GLT8D2: variants seen among roughly 807,000 people sequenced by gnomAD.
GLT8D2 encodes the protein glycosyltransferase 8 domain-containing protein 2.
A neutral mutation model predicts 44.5 loss-of-function variants in GLT8D2; 45 were observed. The ratio of observed to expected loss-of-function variants is 1.01; its 90% CI spans 0.80 to 1.30. GLT8D2 has a LOEUF of 1.30. Among genes scored for constraint, GLT8D2 ranks in the 50% most tolerant of loss-of-function variants. The probability of loss-of-function intolerance (pLI) is 0.00; values close to 1 mark genes in which losing one functional copy is unlikely to be tolerated. For missense variants in GLT8D2, 400 were observed against 430.4 expected (o/e 0.93, Z 0.62); for synonymous variants, 156 against 157.2 (o/e 0.99, Z 0.06).
At chr12:104,052,978 A>G (rs1881852098), upstream of GLT8D2, among the ~76,000 whole-genome samples, 1 of 152,198 alleles carries the variant, frequency 6.6e-6, no homozygotes, top group Non-Finnish European at 1.5e-5. Context: ...CTGGGAAGTC[A>G]TAAGGTTCAG....
chr12:104,012,189 A>AT (rs1239571388), intron 4 of GLT8D2, among the ~76,000 whole-genome samples: 127 of 98,420 alleles, frequency 1.3e-3, no homozygotes, highest in Non-Finnish European at 1.1e-3. Context: ...AAAAAAAAAA[A>AT]ATATATATAT....
intron 1 of GLT8D2, among the ~76,000 whole-genome samples, chr12:104,033,375 C>T (rs1023565042): frequency 6.6e-6 from 1 of 152,032 alleles, no homozygotes; most frequent in Non-Finnish European, 1.5e-5. Flanking sequence ...GCCTGGAGGA[C>T]ATTATGCTAA....
intron 1 of GLT8D2, among the ~76,000 whole-genome samples, chr12:104,022,420 T>C (rs1403856025): frequency 6.6e-6 from 1 of 152,206 alleles, no homozygotes. Flanking sequence ...ATTAAAGTAA[T>C]TAAAATACAC....
At chr12:103,993,597 AT>A in intron 9 of GLT8D2, 93 bp from the exon 10 acceptor site, 1 of 783,658 alleles carries the variant, frequency 1.3e-6, no homozygotes, top group Non-Finnish European at 2.0e-6. Flanking sequence ...GTAAGACATT[AT>A]CTCACTATGT....
At chr12:103,991,231 G>C (rs1286656316) in intron 10 of GLT8D2, among the ~76,000 whole-genome samples, 6 of 152,120 alleles carry the variant, frequency 3.9e-5, no homozygotes, top group African/African-American at 9.7e-5. Context: ...CTGTCACCCA[G>C]ACTGGAGTGC....
intron 1 of GLT8D2, among the ~76,000 whole-genome samples, chr12:104,027,542 T>C (rs1878728293): frequency 6.6e-6 from 1 of 152,222 alleles, no homozygotes. Flanking sequence ...CAAACAAAAG[T>C]CTTTACAAAT....
chr12:103,989,437 C>CT lies in GLT8D2; in HGVS notation c.1020dup (p.Gly341ArgfsTer4). On this transcript the variant is annotated frameshift_variant, in exon 11 of 11. Coordinates refer to ENST00000360814, the MANE Select transcript of GLT8D2 (RefSeq NM_001384711.1). LOFTEE classifies it high-confidence loss of function. ...CTATGGTGATTGAGTTTAAATATCC[C>CT]TGCAGGGTCAGGAACAAACCAGCTT... is the stretch of plus-strand genomic sequence containing the variant. 1 of 1,612,992 alleles carries CT rather than the reference C, an allele frequency of 6.2e-7. No individual in the cohort carries two copies. Among genetic ancestry groups the CT allele is most frequent in the Non-Finnish European group, 8.5e-7 (1 of 1,179,540 alleles).
At chr12:104,036,454 G>A (rs1055721549) in intron 1 of GLT8D2, among the ~76,000 whole-genome samples, 3 of 152,066 alleles carry the variant, frequency 2.0e-5, no homozygotes, top group Non-Finnish European at 4.4e-5. Flanking sequence ...CAAAATAAAG[G>A]GATGGAGGAA....
upstream of GLT8D2, among the ~76,000 whole-genome samples, chr12:104,054,145 C>T (rs1881971385): frequency 6.6e-6 from 1 of 152,112 alleles, no homozygotes; most frequent in African/African-American, 2.4e-5. Context: ...AAAGTTTATA[C>T]TGTTTGACTA....
At chr12:103,992,483 CTCTCTCTCT>C (rs1259158111) in intron 10 of GLT8D2, among the ~76,000 whole-genome samples, 2 of 148,080 alleles carry the variant, frequency 1.4e-5, no homozygotes. Flanking sequence ...TTCTCTCTCT[CTCTCTCTCT>C]TTTTTTTTTT....
chr12:104,023,360 C>A (rs761076039), intron 1 of GLT8D2, among the ~76,000 whole-genome samples: 14 of 152,064 alleles, frequency 9.2e-5, no homozygotes, highest in Non-Finnish European at 1.6e-4. Flanking sequence ...TTTCTAAATT[C>A]TTTAGACTGC....
chr12:104,023,594 T>A (rs1198955167), intron 1 of GLT8D2, among the ~76,000 whole-genome samples: 2 of 152,224 alleles, frequency 1.3e-5, no homozygotes, highest in African/African-American at 4.8e-5. Context: ...TATGGACTTT[T>A]ACACATGCAT....
At chr12:104,054,714 C>T (rs542243479), upstream of GLT8D2, among the ~76,000 whole-genome samples, 2 of 152,150 alleles carry the variant, frequency 1.3e-5, no homozygotes, top group South Asian at 4.2e-4. Context: ...TCTAGTACTT[C>T]CTTGAAAGCT....
chr12:104,020,087 A>AT (rs1877435350), intron 2 of GLT8D2, among the ~76,000 whole-genome samples: 1 of 151,624 alleles, frequency 6.6e-6, no homozygotes, highest in Non-Finnish European at 1.5e-5. Flanking sequence ...ACCCAGCTAA[A>AT]TTTTTTTTGT....
chr12:104,045,927 GAAA>G (rs1881066209), intron 1 of GLT8D2, among the ~76,000 whole-genome samples: 1 of 145,134 alleles, frequency 6.9e-6, no homozygotes, highest in African/African-American at 2.6e-5. Context: ...AAGAAAGAAA[GAAA>G]GAAAGAAAAA....
chr12:104,032,974 G>T (rs1879495085), intron 1 of GLT8D2, among the ~76,000 whole-genome samples: 1 of 151,968 alleles, frequency 6.6e-6, no homozygotes, highest in African/African-American at 2.4e-5. Context: ...CCGCTTCCGG[G>T]GTTCAAGCGA....
At chr12:104,053,689 C>T (rs183581559), upstream of GLT8D2, among the ~76,000 whole-genome samples, 14 of 152,236 alleles carry the variant, frequency 9.2e-5, no homozygotes, top group Admixed American at 3.3e-4. Flanking sequence ...TCAAGACCAT[C>T]CTGGCTAACA....
At chr12:104,064,338 C>G, upstream of GLT8D2, 1 of 440,454 alleles carries the variant, frequency 2.3e-6, no homozygotes, top group Non-Finnish European at 4.0e-6. This position sits in a 1 kb window ranked among gnomAD's most constrained non-coding sequence, Gnocchi z 7.3. Flanking sequence ...GTGCGTTGCT[C>G]CGGGTGGCCG....
intron 4 of GLT8D2, among the ~76,000 whole-genome samples, chr12:104,003,569 A>T (rs1191958618): frequency 6.6e-6 from 1 of 152,192 alleles, no homozygotes; most frequent in Non-Finnish European, 1.5e-5. Context: ...TGGTTTAAGT[A>T]ATGTGTGCCA....
Sources: gnomAD v4.1 joint callset for allele counts (sites outside exome capture counted in the v4.1 genomes callset) on GRCh38, gnomAD v4.1.1 for gene constraint, Gnocchi (gnomAD v3.1) non-coding constraint, MANE v1.5 for transcripts, NCBI Gene and HGNC (gene_info 2026-07-23, HGNC 2026-07-21) for gene names.